ITGBL1: variants seen among roughly 807,000 people sequenced by gnomAD.
ITGBL1 encodes integrin subunit beta like 1.
A neutral mutation model predicts 68.5 loss-of-function variants in ITGBL1; 51 were observed. That is an observed-to-expected ratio of 0.74 (90% CI 0.59 to 0.94). ITGBL1 has a LOEUF of 0.94. Ranked by LOEUF, ITGBL1 falls within the 40% of genes least tolerant of loss-of-function variation. The pLI, the probability that ITGBL1 is intolerant of heterozygous loss-of-function variation, is 0.00. For synonymous variants in ITGBL1, 209 were observed against 227.3 expected, an observed-to-expected ratio of 0.92 and a Z score of 0.72; for missense variants, 649 against 647.4, an observed-to-expected ratio of 1.00 and a Z score of -0.03.
chr13:101,661,140 T>C (rs911754663), intron 7 of ITGBL1, among the ~76,000 whole-genome samples: 7 of 137,382 alleles, frequency 5.1e-5, no homozygotes, highest in Admixed American at 4.3e-4. Context: ...AAAAAAAAAA[T>C]GGCAAGGTGG....
At chr13:101,472,565 A>T (rs1414884814) in intron 2 of ITGBL1, among the ~76,000 whole-genome samples, 1 of 152,194 alleles carries the variant, frequency 6.6e-6, no homozygotes, top group Non-Finnish European at 1.5e-5. Context: ...GGGGGTTTTT[A>T]AACCATATAA....
At chr13:101,649,082 A>T (rs1266335861) in intron 7 of ITGBL1, among the ~76,000 whole-genome samples, 1 of 152,208 alleles carries the variant, frequency 6.6e-6, no homozygotes, top group South Asian at 2.1e-4. Flanking sequence ...AATAAAGAGG[A>T]GTATGCATAT....
chr13:101,631,856 G>T (rs2031990393), intron 7 of ITGBL1, among the ~76,000 whole-genome samples: 1 of 152,044 alleles, frequency 6.6e-6, no homozygotes. Flanking sequence ...TAAACAAATG[G>T]TACTAGAACA....
At chr13:101,660,767 C>T (rs2033063102) in intron 7 of ITGBL1, among the ~76,000 whole-genome samples, 3 of 152,166 alleles carry the variant, frequency 2.0e-5, no homozygotes, top group Admixed American at 2.0e-4. Flanking sequence ...TCAGATTTCT[C>T]TTACTTTCAT....
chr13:101,570,162 A>G (rs1026540722), intron 3 of ITGBL1, among the ~76,000 whole-genome samples: 7 of 152,054 alleles, frequency 4.6e-5, no homozygotes, highest in African/African-American at 1.7e-4. Flanking sequence ...GTGACTTATT[A>G]TCAGTCTAGA....
intron 1 of ITGBL1, among the ~76,000 whole-genome samples, 161 bp downstream of exon 1, chr13:101,453,092 G>GT (rs1401047890): frequency 6.6e-6 from 1 of 152,214 alleles, no homozygotes; most frequent in Non-Finnish European, 1.5e-5. Flanking sequence ...TCTACAGCGT[G>GT]TATTGCCTCA....
intron 2 of ITGBL1, among the ~76,000 whole-genome samples, chr13:101,553,014 A>G (rs1387155686): frequency 6.6e-6 from 1 of 152,210 alleles, no homozygotes; most frequent in East Asian, 1.9e-4. Context: ...CAATGTTGTT[A>G]GTAGGAGAGG....
chr13:101,562,725 A>G (rs1395630511), intron 2 of ITGBL1, among the ~76,000 whole-genome samples: 2 of 151,992 alleles, frequency 1.3e-5, no homozygotes, highest in East Asian at 1.9e-4. Flanking sequence ...GTCAATGTCA[A>G]TACTCCTTTC....
At chr13:101,521,253 A>C (rs1398817957) in intron 2 of ITGBL1, among the ~76,000 whole-genome samples, 1 of 152,226 alleles carries the variant, frequency 6.6e-6, no homozygotes, top group Non-Finnish European at 1.5e-5. Context: ...TTTTTCTAGA[A>C]GCAAGGGACA....
rs1430311854 is a variant in ITGBL1, at chr13:101,572,457, G to C, written c.464-2967G>C. Among the ~76,000 whole-genome samples, 6 of 152,154 alleles carry C rather than the reference G, an allele frequency of 3.9e-5. No homozygotes were observed. The South Asian group carries it at 8.3e-4, about 21-fold the overall frequency. On this transcript the variant is annotated intron_variant, in intron 3 of 10. Coordinates refer to ENST00000376180, the MANE Select transcript of ITGBL1 (RefSeq NM_004791.3). ...GGAGTGTGGGCTGGTGTACATGTCT[G>C]GTCAGTCATCCTAGAGAGAGTCAGT...
At chr13:101,637,714 C>T (rs1292563426) in intron 7 of ITGBL1, among the ~76,000 whole-genome samples, 1 of 152,138 alleles carries the variant, frequency 6.6e-6, no homozygotes, top group Non-Finnish European at 1.5e-5. Context: ...ACTACCATCA[C>T]TCTAAGCCAA....
chr13:101,648,148 G>A (rs1383631163), intron 7 of ITGBL1, among the ~76,000 whole-genome samples: 5 of 152,096 alleles, frequency 3.3e-5, no homozygotes, highest in Non-Finnish European at 5.9e-5. Context: ...TTATTACACC[G>A]TTCAGAGCTT....
intron 7 of ITGBL1, among the ~76,000 whole-genome samples, chr13:101,657,548 A>G (rs1024361394): frequency 1.3e-5 from 2 of 152,146 alleles, no homozygotes; most frequent in African/African-American, 4.8e-5. Context: ...ATTACATTTG[A>G]GTCTCTTTAC....
At chr13:101,595,533 TG>T (rs2029911224) in intron 6 of ITGBL1, among the ~76,000 whole-genome samples, 1 of 151,862 alleles carries the variant, frequency 6.6e-6, no homozygotes, top group Non-Finnish European at 1.5e-5. Flanking sequence ...ATTAAAAAAA[TG>T]GGCAAATGAC....
intron 4 of ITGBL1, among the ~76,000 whole-genome samples, chr13:101,576,967 G>GAA (rs10642420): frequency 0.24 from 35,421 of 149,388 alleles, 4,170 homozygotes; most frequent in African/African-American, 0.27. Context: ...AAAAAAAAAA[G>GAA]AAGAAGACGG....
intron 2 of ITGBL1, among the ~76,000 whole-genome samples, chr13:101,462,456 C>T (rs1324393424): frequency 2.0e-5 from 3 of 152,176 alleles, no homozygotes; most frequent in Admixed American, 1.3e-4. Context: ...GTGTGAATGG[C>T]AAGGGAGAGG....
chr13:101,574,856 C>G (rs1034555458), intron 3 of ITGBL1, among the ~76,000 whole-genome samples: 1 of 152,004 alleles, frequency 6.6e-6, no homozygotes, highest in Non-Finnish European at 1.5e-5. Context: ...CTAAGGAAAT[C>G]CACTCTTGTC....
intron 3 of ITGBL1, 27 bp from the exon 4 acceptor site, chr13:101,575,397 A>T (rs1312953054): frequency 6.2e-7 from 1 of 1,605,018 alleles, no homozygotes; most frequent in African/African-American, 1.3e-5. Flanking sequence ...CATGTAACAA[A>T]CAGTCTTTTT....
chr13:101,535,797 C>T (rs1248811898), intron 2 of ITGBL1, among the ~76,000 whole-genome samples: 1 of 152,028 alleles, frequency 6.6e-6, no homozygotes, highest in Non-Finnish European at 1.5e-5. Flanking sequence ...TTTTTCCTTG[C>T]AAAATTTTGC....
Sources: gnomAD v4.1 joint callset for allele counts (sites outside exome capture counted in the v4.1 genomes callset) on GRCh38, gnomAD v4.1.1 for gene constraint, MANE v1.5 for transcripts, NCBI Gene and HGNC (gene_info 2026-07-23, HGNC 2026-07-21) for gene names.